Variants in SRGAP1 observed in about 807,000 individuals in gnomAD.
SRGAP1 encodes SLIT-ROBO Rho GTPase activating protein 1.
A neutral mutation model predicts 121.9 loss-of-function variants in SRGAP1; 43 were observed. That is an observed-to-expected ratio of 0.35 (90% CI 0.28 to 0.46). The LOEUF (loss-of-function observed/expected upper bound fraction) is 0.46, where lower values mean the gene tolerates loss of function less well. Among genes scored for constraint, SRGAP1 ranks in the 20% least tolerant of loss-of-function variants. SRGAP1 has a pLI of 1.00. For missense variants in SRGAP1, 1,102 were observed against 1,350.9 expected, an observed-to-expected ratio of 0.82 and a Z score of 2.89; for synonymous variants, 447 against 485.4, an observed-to-expected ratio of 0.92 and a Z score of 1.04.
intron 11 of SRGAP1, 99 bp from the exon 12 acceptor site, chr12:64,091,177 C>A: frequency 1.4e-6 from 1 of 727,830 alleles, no homozygotes; most frequent in Non-Finnish European, 2.0e-6. Context: ...GGGGAAGGAA[C>A]CCAAGATTCC....
chr12:63,855,035 C>A (rs983231239), intron 1 of SRGAP1, among the ~76,000 whole-genome samples: 3 of 152,104 alleles, frequency 2.0e-5, no homozygotes, highest in Admixed American at 1.3e-4. Context: ...ATAAAGAGAA[C>A]CCCCCAAACA....
At chr12:63,872,356 G>A (rs759922087) in intron 1 of SRGAP1, among the ~76,000 whole-genome samples, 3 of 152,166 alleles carry the variant, frequency 2.0e-5, no homozygotes, top group East Asian at 1.9e-4. Flanking sequence ...ATCCATGAAA[G>A]CTCTGAAGCC....
chr12:64,042,540 A>G (rs561428530), intron 4 of SRGAP1, among the ~76,000 whole-genome samples: 1 of 152,092 alleles, frequency 6.6e-6, no homozygotes, highest in African/African-American at 2.4e-5. Flanking sequence ...TATGCATAAG[A>G]CTCCGTAAAT....
At chr12:64,061,519 C>G (rs2035450012) in intron 6 of SRGAP1, among the ~76,000 whole-genome samples, 1 of 152,134 alleles carries the variant, frequency 6.6e-6, no homozygotes, top group African/African-American at 2.4e-5. Context: ...GATTTTGCCT[C>G]TTTTATGTTT....
At chr12:63,974,047 G>T (rs1318553852) in intron 1 of SRGAP1, among the ~76,000 whole-genome samples, 2 of 152,034 alleles carry the variant, frequency 1.3e-5, no homozygotes, top group Non-Finnish European at 2.9e-5. Flanking sequence ...TACTAATAAG[G>T]TCTGAAATGT....
rs975499792 is a variant in SRGAP1, at chr12:64,128,019, G to A, written c.2699G>A (p.Arg900His). Residue 900 changes from arginine (R) to histidine (H), a missense_variant, in exon 21 of 22, where the codon CGT becomes CAT. Arg to His is a conservative substitution (Grantham distance 29). Coordinates refer to ENST00000355086, the MANE Select transcript of SRGAP1 (RefSeq NM_020762.4). ...CACCCCCGGGGCCTGCTGCAGAACC[G>A]TGGCCTCAACAATGACAGTCCTGAG... ...ASHPRGLLQN[R>H]GLNNDSPERR... 6 of 1,614,150 alleles carry A rather than the reference G, an allele frequency of 3.7e-6. No individual in the cohort carries two copies. Among genetic ancestry groups the A allele is most frequent in the South Asian group, 2.2e-5 (2 of 91,082 alleles).
At chr12:63,990,741 G>C (rs2033536929) in intron 3 of SRGAP1, among the ~76,000 whole-genome samples, 1 of 152,196 alleles carries the variant, frequency 6.6e-6, no homozygotes. Context: ...AATCAGACCA[G>C]AGGGTAAATG....
chr12:63,878,466 C>T (rs144968001), intron 1 of SRGAP1, among the ~76,000 whole-genome samples: 1 of 152,296 alleles, frequency 6.6e-6, no homozygotes, highest in African/African-American at 2.4e-5. Flanking sequence ...ATTCTTGCCA[C>T]CAAAGTTGTA....
chr12:63,883,405 G>A (rs977931516), intron 1 of SRGAP1, among the ~76,000 whole-genome samples: 3 of 152,136 alleles, frequency 2.0e-5, no homozygotes, highest in African/African-American at 7.2e-5. Context: ...CTTTTTGTTC[G>A]TTTGAGGAAT....
intron 1 of SRGAP1, among the ~76,000 whole-genome samples, chr12:63,880,296 A>G (rs1447057031): frequency 6.6e-6 from 1 of 152,030 alleles, no homozygotes; most frequent in African/African-American, 2.4e-5. Context: ...TAGTGGAGCA[A>G]TCTCAGCTCA....
chr12:64,139,724 G>C (rs1019186081), intron 21 of SRGAP1, among the ~76,000 whole-genome samples: 1 of 151,770 alleles, frequency 6.6e-6, no homozygotes, highest in Middle Eastern at 3.4e-3. Context: ...TTCTTTTGCT[G>C]TGCAGAAGCT....
intron 1 of SRGAP1, among the ~76,000 whole-genome samples, chr12:63,936,556 G>A (rs1160802648): frequency 3.7e-4 from 57 of 152,046 alleles, no homozygotes; most frequent in Admixed American, 3.6e-3. Flanking sequence ...TATGACACCC[G>A]GAGCTGCTGC....
At chr12:63,951,325 G>A (rs571968137) in intron 1 of SRGAP1, among the ~76,000 whole-genome samples, 3 of 151,682 alleles carry the variant, frequency 2.0e-5, no homozygotes, top group Non-Finnish European at 2.9e-5. Context: ...CACCATGCCC[G>A]GCTAATTTTT....
chr12:64,074,178 T>C (rs1053705870), intron 8 of SRGAP1, among the ~76,000 whole-genome samples: 1 of 152,240 alleles, frequency 6.6e-6, no homozygotes, highest in African/African-American at 2.4e-5. Flanking sequence ...TCCCCCATCA[T>C]GTTCATTCCC....
chr12:63,904,644 A>G (rs1395730500), intron 1 of SRGAP1, among the ~76,000 whole-genome samples: 1 of 152,170 alleles, frequency 6.6e-6, no homozygotes, highest in African/African-American at 2.4e-5. Flanking sequence ...TAACATACAG[A>G]GTATGGCTGG....
At chr12:64,010,599 C>T (rs774499260) in intron 3 of SRGAP1, among the ~76,000 whole-genome samples, 5 of 152,136 alleles carry the variant, frequency 3.3e-5, no homozygotes, top group Middle Eastern at 3.4e-3. Flanking sequence ...TCCAGGGTGC[C>T]AAGCACCAAA....
At position 64,154,883 on chromosome 12, in the gene SRGAP1, G is replaced by C. The variant is rs1039983812; in HGVS notation, c.*12211G>C. 5 of 152,764 alleles carry C rather than the reference G, an allele frequency of 3.3e-5. No individual in the cohort carries two copies. The highest frequency in any genetic ancestry group is 7.3e-5 in the Non-Finnish European group (5 of 68,512). The allele number at this position is 152,764 out of a possible 1,614,324, so 9.5% of individuals were successfully genotyped here. A position where few individuals can be genotyped will look rare whatever the true frequency, so the allele number is the denominator to read the frequency against. ...TGGGTGGAGTGAGGAGCTGGCAGAG[G>C]AGACAGAAGGAGCAGCCAGGGCGGA... On this transcript the variant is annotated 3_prime_UTR_variant, in exon 22 of 22. Transcript: ENST00000355086.
intron 4 of SRGAP1, among the ~76,000 whole-genome samples, chr12:64,023,204 CAAAAAAAAAAAAA>C (rs11312893): frequency 1.4e-4 from 11 of 77,076 alleles, no homozygotes; most frequent in East Asian, 1.3e-3. Flanking sequence ...ACTTTTGTAC[CAAAAAAAAAAAAA>C]AAAAAAAAAA....
At chr12:63,892,447 C>T (rs779403526) in intron 1 of SRGAP1, among the ~76,000 whole-genome samples, 20 of 152,188 alleles carry the variant, frequency 1.3e-4, no homozygotes, top group Non-Finnish European at 2.6e-4. Flanking sequence ...TTGAATTGAA[C>T]ATATTCATCT....
Sources: allele counts gnomAD v4.1 joint callset (sites outside exome capture counted in the v4.1 genomes callset), GRCh38; gene constraint gnomAD v4.1.1; transcripts MANE v1.5; gene names NCBI Gene and HGNC (gene_info 2026-07-23, HGNC 2026-07-21).